RSPH10B2: variants seen among roughly 807,000 people sequenced by gnomAD.
RSPH10B2 encodes radial spoke head 10 homolog B2, also known as radial spoke head 10 homolog B2 (Chlamydomonas).
A neutral mutation model predicts 49.0 loss-of-function variants in RSPH10B2; 9 were observed. The ratio of observed to expected loss-of-function variants is 0.18; its 90% CI spans 0.11 to 0.32. The LOEUF (loss-of-function observed/expected upper bound fraction) is 0.32. Among genes scored for constraint, RSPH10B2 ranks in the 10% least tolerant of loss-of-function variants. The pLI, the probability that RSPH10B2 is intolerant of heterozygous loss-of-function variation, is 1.00. For missense variants in RSPH10B2, 95 were observed against 589.9 expected (o/e 0.16, Z 8.69); for synonymous variants, 35 against 210.2 (o/e 0.17, Z 7.21).
Position 6,797,925 on chromosome 7 carries a change from G to A in RSPH10B2, c.2433-438G>A, listed in dbSNP as rs1373298740. 5.2e-5 allele frequency among the ~76,000 whole-genome samples: 5 copies of A among 96,414 alleles called. 2 individuals carry two copies. Among genetic ancestry groups the A allele is most frequent in the African/African-American group, 2.3e-4 (5 of 21,336 alleles). 63.3% of individuals were successfully genotyped at this position (96,414 alleles called of 152,430 possible). ...AGGCCAAGGTGGGTGGATCACCTGA[G>A]GTCAGGAGTTTGAGACCAGCCTGGC... On this transcript the variant is annotated intron_variant, in intron 18 of 18. Coordinates refer to ENST00000297186, the Ensembl canonical transcript of RSPH10B2.
intron 18 of RSPH10B2, among the ~76,000 whole-genome samples, chr7:6,797,251 T>C: frequency 7.0e-6 from 1 of 143,062 alleles, no homozygotes; most frequent in East Asian, 2.0e-4. Flanking sequence ...TCAAGTGATC[T>C]GCCAGCCTTG....
chr7:6,780,010 A>G (rs1322664069), intron 11 of RSPH10B2, among the ~76,000 whole-genome samples: 1 of 114,552 alleles, frequency 8.7e-6, no homozygotes, highest in African/African-American at 3.2e-5. Flanking sequence ...TTTAGTAGAG[A>G]CGGGGTTTCA....
At chr7:6,763,494 C>T (rs1200473418) in intron 3 of RSPH10B2, among the ~76,000 whole-genome samples, 2 of 122,060 alleles carry the variant, frequency 1.6e-5, no homozygotes, top group Non-Finnish European at 3.4e-5. Flanking sequence ...CCTAGGTTGC[C>T]CAGACTGGCC....
In RSPH10B2 at chr7:6,793,452, C is replaced by G. The variant is rs542687480; in HGVS notation, c.2233+1455C>G. 2.4e-3 allele frequency among the ~76,000 whole-genome samples: 284 copies of G among 116,600 alleles called. 69 individuals carry two copies. Among genetic ancestry groups the G allele is most frequent in the Admixed American group, 8.6e-3 (89 of 10,388 alleles). 76.5% of individuals were successfully genotyped at this position (116,600 alleles called of 152,430 possible). On this transcript the variant is annotated intron_variant, in intron 17 of 18. Transcript: ENST00000297186. ...GGCCTTGTCTTCTCAAAGGCCTCCCCTGTGTATCCCCCTCTACAGTGCCTG... is the reference window on the plus strand; with the variant it reads ...GGCCTTGTCTTCTCAAAGGCCTCCCGTGTGTATCCCCCTCTACAGTGCCTG...
intron 10 of RSPH10B2, among the ~76,000 whole-genome samples, chr7:6,776,922 CACACAA>C (rs1781766745): frequency 7.9e-6 from 1 of 126,940 alleles, no homozygotes; most frequent in Admixed American, 8.3e-5. Context: ...CACACACACA[CACACAA>C]AAGGCAGGGG....
intron 14 of RSPH10B2, among the ~76,000 whole-genome samples, chr7:6,786,308 G>C (rs1359973145): frequency 2.5e-4 from 25 of 99,096 alleles, no homozygotes; most frequent in African/African-American, 1.1e-3. Flanking sequence ...TCAGCCTCCC[G>C]AGTAGCTGAG....
intron 17 of RSPH10B2, chr7:6,794,148 G>C (rs1219188343): frequency 6.0e-6 from 1 of 166,214 alleles, no homozygotes; most frequent in Non-Finnish European, 1.3e-5. Context: ...TTGGGGGGCT[G>C]TGTACATGTA....
chr7:6,758,885 A>C (rs1222898433), intron 1 of RSPH10B2, among the ~76,000 whole-genome samples, 199 bp from the exon 4 acceptor site: 3 of 137,688 alleles, frequency 2.2e-5, no homozygotes, highest in Admixed American at 1.5e-4. Context: ...AAAAACCCCG[A>C]AATGCCTTCA....
In RSPH10B2 at chr7:6,781,669, T is replaced by C. The variant is rs184743456; in HGVS notation, c.1758+193T>C. On this transcript the variant is annotated intron_variant, in intron 13 of 18. Coordinates refer to ENST00000297186, the Ensembl canonical transcript of RSPH10B2. ...TGGTCGTGGAAGGAACAGAAACAGC[T>C]GTCACCTGCCCAATATGCTAACAGA... is the stretch of plus-strand genomic sequence containing the variant. 1.0e-3 allele frequency: 663 copies of C among 651,840 alleles called. 146 individuals are homozygous for C. Among genetic ancestry groups the C allele is most frequent in the African/African-American group, 1.4e-3 (58 of 41,404 alleles). The allele number at this position is 651,840 out of a possible 1,614,324, so 40.4% of individuals were successfully genotyped here. A position where few individuals can be genotyped will look rare whatever the true frequency, so the allele number is the denominator to read the frequency against.
chr7:6,756,062 A>T (rs1781062086), upstream of RSPH10B2, among the ~76,000 whole-genome samples: 2 of 150,438 alleles, frequency 1.3e-5, no homozygotes, highest in African/African-American at 5.0e-5. Flanking sequence ...AGGTCAGGAG[A>T]TCGAGACCAT....
At chr7:6,791,280 G>A (rs1327578181) in intron 16 of RSPH10B2, among the ~76,000 whole-genome samples, 3 of 129,072 alleles carry the variant, frequency 2.3e-5, no homozygotes, top group East Asian at 6.3e-4. Context: ...GGGATTACAG[G>A]CATGAGCCAC....
At chr7:6,755,986 GCACCCACA>G (rs1781050201), upstream of RSPH10B2, among the ~76,000 whole-genome samples, 1 of 142,692 alleles carries the variant, frequency 7.0e-6, no homozygotes, top group Admixed American at 7.1e-5. Flanking sequence ...ACTGGGCCGG[GCACCCACA>G]CCCGGTGACT....
At chr7:6,795,928 T>A (rs1416217034) in intron 17 of RSPH10B2, among the ~76,000 whole-genome samples, 6 of 130,398 alleles carry the variant, frequency 4.6e-5, no homozygotes, top group Admixed American at 2.2e-4. Flanking sequence ...TGAGAGCTTG[T>A]CTTTAAAAAA....
chr7:6,770,677 G>A (rs1268425963), intron 7 of RSPH10B2, among the ~76,000 whole-genome samples: 7 of 149,648 alleles, frequency 4.7e-5, no homozygotes, highest in East Asian at 3.9e-4. Flanking sequence ...AGGCTGAGGC[G>A]GATGGATCAC....
At chr7:6,774,755 G>GTTT (rs1359670506) in intron 9 of RSPH10B2, among the ~76,000 whole-genome samples, 320 of 122,024 alleles carry the variant, frequency 2.6e-3, no homozygotes, top group African/African-American at 8.9e-3. Context: ...CTTTTTTTTT[G>GTTT]TTTTTTTTTT....
intron 10 of RSPH10B2, among the ~76,000 whole-genome samples, chr7:6,776,783 A>G (rs1781752130): frequency 2.8e-5 from 2 of 71,208 alleles, no homozygotes; most frequent in Non-Finnish European, 2.6e-5. Flanking sequence ...AGGCTGAGGC[A>G]GGAGAATCGC....
rs1271328859 is a variant in RSPH10B2 at position 6,764,706 on chromosome 7, T to C, written c.573+605T>C. ...GCTATTTATTGAGTTGTGTTGTTGT[T>C]GTTGTGTGTGTGTGTGTGTGTGTGT... is the stretch of plus-strand genomic sequence containing the variant. On this transcript the variant is annotated intron_variant, in intron 4 of 18. Coordinates refer to ENST00000297186, the Ensembl canonical transcript of RSPH10B2. Among the ~76,000 whole-genome samples, 15 of 146,918 alleles carry C rather than the reference T, an allele frequency of 1.0e-4. No homozygotes were observed. In the Admixed American group the frequency reaches 1.0e-3, roughly 10 times the overall value.
Position 6,781,911 on chromosome 7 carries a change from T to A in RSPH10B2, c.1758+435T>A, listed in dbSNP as rs2692583. Among the ~76,000 whole-genome samples the A allele has an allele frequency of 1.7e-3, 179 of 103,496 alleles. 35 individuals are homozygous for A. Among genetic ancestry groups the A allele is most frequent in the Non-Finnish European group, 2.5e-3 (131 of 51,678 alleles). The allele number at this position is 103,496 out of a possible 152,430, so 67.9% of individuals were successfully genotyped here. ...ATATATATATAATAAATATATATATTTTTTTAATTTTATTTTTTTGAGACG... is the reference window on the plus strand; with the variant it reads ...ATATATATATAATAAATATATATATATTTTTAATTTTATTTTTTTGAGACG... On this transcript the variant is annotated intron_variant, in intron 13 of 18. Transcript: ENST00000297186.
At position 6,783,017 on chromosome 7, in the gene RSPH10B2, G is replaced by C. The variant is rs556228365; in HGVS notation, c.1758+1541G>C. On this transcript the variant is annotated intron_variant, in intron 13 of 18. Transcript: ENST00000297186. ...ATACAATGTTCTCATACTAACTATTGGTTGTTTTTGTTCCATGATACTTTT... is the reference window on the plus strand; with the variant it reads ...ATACAATGTTCTCATACTAACTATTCGTTGTTTTTGTTCCATGATACTTTT... Among the ~76,000 whole-genome samples the C allele has an allele frequency of 4.3e-4, 56 of 129,262 alleles. 1 individual carries two copies. Among genetic ancestry groups the C allele is most frequent in the African/African-American group, 1.6e-3 (53 of 33,776 alleles). 84.8% of individuals were successfully genotyped at this position (129,262 alleles called of 152,430 possible).
Sources: allele counts gnomAD v4.1 joint callset (sites outside exome capture counted in the v4.1 genomes callset), GRCh38; gene constraint gnomAD v4.1.1; transcripts MANE v1.5; gene names NCBI Gene and HGNC (gene_info 2026-07-23, HGNC 2026-07-21).